SOS2: variants seen among roughly 807,000 people sequenced by gnomAD.
The protein encoded by SOS2 is SOS Ras/Rho guanine nucleotide exchange factor 2, also known as son of sevenless homolog 2.
A neutral mutation model predicts 148.2 loss-of-function variants in SOS2; 65 were observed. The ratio of observed to expected loss-of-function variants is 0.44; its 90% CI spans 0.36 to 0.54. The LOEUF (loss-of-function observed/expected upper bound fraction) is 0.54, where lower values mean the gene tolerates loss of function less well. Among genes scored for constraint, SOS2 ranks in the 20% least tolerant of loss-of-function variants. The pLI, the probability that SOS2 is intolerant of heterozygous loss-of-function variation, is 0.00. For missense variants in SOS2, 1,341 were observed against 1,590.2 expected, an observed-to-expected ratio of 0.84 and a Z score of 2.67; for synonymous variants, 539 against 537.1, an observed-to-expected ratio of 1.00 and a Z score of -0.05.
At chr14:50,125,836 C>T (rs539352051) in intron 21 of SOS2, among the ~76,000 whole-genome samples, 8 of 152,248 alleles carry the variant, frequency 5.3e-5, no homozygotes, top group African/African-American at 9.6e-5. Flanking sequence ...TTTTATTCTC[C>T]GGAAAATCTA....
At chr14:50,181,575 T>C (rs1266703343) in intron 6 of SOS2, among the ~76,000 whole-genome samples, 1 of 152,062 alleles carries the variant, frequency 6.6e-6, no homozygotes, top group East Asian at 1.9e-4. Flanking sequence ...AAATATGTTA[T>C]GGTGTCTCCA....
chr14:50,139,439 G>C (rs1884196510), intron 17 of SOS2, among the ~76,000 whole-genome samples: 1 of 152,196 alleles, frequency 6.6e-6, no homozygotes, highest in South Asian at 2.1e-4. Context: ...GTAATGAATA[G>C]AGGCCAGGAT....
chr14:50,219,631 T>C (rs1163001352), intron 1 of SOS2, among the ~76,000 whole-genome samples: 3 of 152,182 alleles, frequency 2.0e-5, no homozygotes, highest in Admixed American at 6.6e-5. Context: ...ATATATAACT[T>C]ATCACATTGT....
chr14:50,122,628 A>G (rs1345455448), intron 21 of SOS2, among the ~76,000 whole-genome samples: 2 of 152,104 alleles, frequency 1.3e-5, no homozygotes, highest in Admixed American at 6.5e-5. Flanking sequence ...GAAAGCTATG[A>G]GAGCTCTGAA....
chr14:50,117,910 G>C lies in SOS2; in HGVS notation c.*434C>G, dbSNP rs140944034. On this transcript the variant is annotated 3_prime_UTR_variant, in exon 23 of 23. Transcript: ENST00000216373. ...ATGTAAAAACTAGAAGTAAAAACTA[G>C]AAGATGGTCAAAGAGGTTTAAAAAT... 6.5e-6 allele frequency: 1 copy of C among 154,126 alleles called. No individual in the cohort carries two copies. Among genetic ancestry groups the C allele is most frequent in the Non-Finnish European group, 1.4e-5 (1 of 69,474 alleles). 9.5% of individuals were successfully genotyped at this position (154,126 alleles called of 1,614,324 possible).
At chr14:50,200,323 A>C (rs909141269) in intron 3 of SOS2, among the ~76,000 whole-genome samples, 1 of 152,048 alleles carries the variant, frequency 6.6e-6, no homozygotes, top group African/African-American at 2.4e-5. Context: ...ATCCATATAC[A>C]CCAAACATAT....
chr14:50,165,674 T>C (rs1566833888), intron 8 of SOS2, among the ~76,000 whole-genome samples: 1 of 152,194 alleles, frequency 6.6e-6, no homozygotes, highest in South Asian at 2.1e-4. Context: ...CCTTTTCAGT[T>C]TACCTGCATG....
chr14:50,126,232 A>G (rs1365928594), intron 21 of SOS2, among the ~76,000 whole-genome samples: 1 of 152,176 alleles, frequency 6.6e-6, no homozygotes, highest in Non-Finnish European at 1.5e-5. Context: ...TTTTTTTTCA[A>G]AAATACTGTA....
chr14:50,218,791 C>A (rs1295940363), intron 1 of SOS2, among the ~76,000 whole-genome samples: 2 of 152,088 alleles, frequency 1.3e-5, no homozygotes, highest in African/African-American at 4.8e-5. Flanking sequence ...AACTATACAA[C>A]CACTTTAGAA....
Position 50,147,431 on chromosome 14 carries a change from G to C in SOS2, c.2385-1835C>G, listed in dbSNP as rs542140576. Reference sequence around the variant, plus strand: ...AGAGGCTGAGGCAGGAGGATTGCTTGAGCCCAGGAGTTCAAGGCTACAGTG... The same window carrying C: ...AGAGGCTGAGGCAGGAGGATTGCTTCAGCCCAGGAGTTCAAGGCTACAGTG... On this transcript the variant is annotated intron_variant, in intron 14 of 22. Transcript: ENST00000216373. Among the ~76,000 whole-genome samples the C allele has an allele frequency of 4.9e-4, 72 of 147,114 alleles. 1 individual carries two copies. The highest frequency in any genetic ancestry group is 1.6e-3 in the African/African-American group (64 of 39,848).
chr14:50,174,368 C>A, intron 8 of SOS2, 86 bp downstream of exon 8: 1 of 518,536 alleles, frequency 1.9e-6, no homozygotes, highest in Non-Finnish European at 3.4e-6. Flanking sequence ...AATTAAAAGA[C>A]TGGTACTGTG....
chr14:50,131,093 T>C (rs1883852172), intron 19 of SOS2, among the ~76,000 whole-genome samples: 1 of 152,154 alleles, frequency 6.6e-6, no homozygotes, highest in Non-Finnish European at 1.5e-5. Flanking sequence ...TTTACAAACA[T>C]TTACTGGGAA....
At chr14:50,178,744 A>ATATATT (rs1555371335) in intron 7 of SOS2, among the ~76,000 whole-genome samples, 3 of 140,356 alleles carry the variant, frequency 2.1e-5, no homozygotes, top group Admixed American at 7.2e-5. Context: ...ATATATATAT[A>ATATATT]TTTTTTGGAG....
intron 17 of SOS2, among the ~76,000 whole-genome samples, chr14:50,139,675 A>G (rs2139555239): frequency 6.6e-6 from 1 of 152,356 alleles, no homozygotes; most frequent in South Asian, 2.1e-4. Flanking sequence ...GATAAAAATA[A>G]CAGTTACCAT....
At chr14:50,223,988 T>C (rs184619027) in intron 1 of SOS2, among the ~76,000 whole-genome samples, 49 of 151,880 alleles carry the variant, frequency 3.2e-4, no homozygotes, top group African/African-American at 6.3e-4. Flanking sequence ...TTAATAGAAA[T>C]AGAAGTCTAA....
chr14:50,174,350 A>G, intron 8 of SOS2, 104 bp downstream of exon 8: 2 of 459,540 alleles, frequency 4.4e-6, no homozygotes, highest in Non-Finnish European at 7.7e-6. Flanking sequence ...ATACTTACAT[A>G]AAATAAGAAT....
At chr14:50,170,097 ATT>A (rs113568518) in intron 8 of SOS2, among the ~76,000 whole-genome samples, 8 of 135,386 alleles carry the variant, frequency 5.9e-5, no homozygotes, top group Admixed American at 7.5e-5. Flanking sequence ...AGCTAATCTG[ATT>A]TTTTTTTTTT....
In SOS2 at chr14:50,160,095, A is replaced by G. The variant is rs1884946366; in HGVS notation, c.1197-9T>C. 6.2e-7 allele frequency: 1 copy of G among 1,602,366 alleles called. No individual in the cohort carries two copies. On this transcript the variant is annotated splice_polypyrimidine_tract_variant and intron_variant, in intron 9 of 22. Transcript: ENST00000216373. ...AAGGGCAAACAGGATCTCTAGAAAA[A>G]ACAAACAATATAGCTTATTCAACAG...
At chr14:50,162,897 ATTTT>A (rs112053842) in intron 8 of SOS2, among the ~76,000 whole-genome samples, 4 of 88,376 alleles carry the variant, frequency 4.5e-5, no homozygotes, top group African/African-American at 1.3e-4. Flanking sequence ...CAATGTTTTG[ATTTT>A]TTTTTTTTTT....
Sources: allele counts gnomAD v4.1 joint callset (sites outside exome capture counted in the v4.1 genomes callset), GRCh38; gene constraint gnomAD v4.1.1; transcripts MANE v1.5; gene names NCBI Gene and HGNC (gene_info 2026-07-23, HGNC 2026-07-21).